The following IMMP2L variants were observed in gnomAD, a reference collection of about 807,000 sequenced individuals.
IMMP2L encodes mitochondrial inner membrane protease subunit 2.
IMMP2L carries 18 observed loss-of-function variants against 19.3 expected under a neutral mutation model. The ratio of observed to expected loss-of-function variants is 0.93; its 90% confidence interval spans 0.64 to 1.38. The LOEUF is 1.38. IMMP2L is among the 40% of genes most tolerant of loss of function. The probability of loss-of-function intolerance (pLI) is 0.00; values close to 1 mark genes in which losing one functional copy is unlikely to be tolerated. For missense variants in IMMP2L, 233 were observed against 218.2 expected (o/e 1.07, Z -0.43); for synonymous variants, 76 against 73.0 (o/e 1.04, Z -0.21).
At chr7:110,863,274 C>G (rs1807637591) in intron 5 of IMMP2L, among the ~76,000 whole-genome samples, 1 of 152,124 alleles carries the variant, frequency 6.6e-6, no homozygotes, top group Non-Finnish European at 1.5e-5. Flanking sequence ...CACGGGGGAT[C>G]AGCTTAGCTC....
At position 111,212,997 on chromosome 7, in the gene IMMP2L, C is replaced by T. The variant is rs148077095; in HGVS notation, c.240-249432G>A. Among the ~76,000 whole-genome samples the T allele has an allele frequency of 1.1e-3, 164 of 152,314 alleles. 1 individual carries two copies. Among genetic ancestry groups the T allele is most frequent in the African/African-American group, 3.7e-3 (153 of 41,564 alleles). On this transcript the variant is annotated intron_variant, in intron 3 of 5. Transcript: ENST00000405709. ...AGTGGAGGATGTGTTTCCAGGACTG[C>T]GCTCTCCACAGAGCTGGCAGGAGCT... is the stretch of plus-strand genomic sequence containing the variant.
chr7:110,696,876 T>C (rs1525669), intron 5 of IMMP2L, among the ~76,000 whole-genome samples: 148,426 of 152,264 alleles, frequency 0.97, 72,416 homozygotes, highest in Middle Eastern at 1. Context: ...GTAGCACAGA[T>C]GAGTTCCATT....
intron 3 of IMMP2L, among the ~76,000 whole-genome samples, chr7:111,283,878 G>A (rs1164583311): frequency 1.3e-5 from 2 of 149,260 alleles, no homozygotes; most frequent in East Asian, 2.0e-4. Context: ...GGCTGAGGCA[G>A]GAGAATGGCG....
At chr7:111,465,919 C>T (rs1312383475) in intron 3 of IMMP2L, among the ~76,000 whole-genome samples, 1 of 152,080 alleles carries the variant, frequency 6.6e-6, no homozygotes, top group Non-Finnish European at 1.5e-5. Flanking sequence ...AGACTTGGAA[C>T]CAGGCCAAAT....
chr7:111,087,985 T>C (rs1276317847), intron 3 of IMMP2L, among the ~76,000 whole-genome samples: 10 of 152,140 alleles, frequency 6.6e-5, no homozygotes. Flanking sequence ...TAAACCAAGA[T>C]GCACGATGAT....
At chr7:111,508,546 G>A (rs1416697335) in intron 2 of IMMP2L, among the ~76,000 whole-genome samples, 3 of 152,144 alleles carry the variant, frequency 2.0e-5, no homozygotes, top group African/African-American at 7.2e-5. Flanking sequence ...TCAGCCAAGA[G>A]AGGGCACAGA....
At chr7:111,437,206 G>A (rs1396481120) in intron 3 of IMMP2L, among the ~76,000 whole-genome samples, 1 of 151,756 alleles carries the variant, frequency 6.6e-6, no homozygotes, top group Admixed American at 6.6e-5. Flanking sequence ...AGCACTTTGG[G>A]AGGCCAAGGC....
chr7:110,978,549 A>G (rs1181778601), intron 3 of IMMP2L, among the ~76,000 whole-genome samples: 2 of 152,040 alleles, frequency 1.3e-5, no homozygotes, highest in South Asian at 2.1e-4. Flanking sequence ...CAGGTAAGTA[A>G]CAGTAAAGAA....
chr7:111,445,298 C>A (rs1838219502), intron 3 of IMMP2L, among the ~76,000 whole-genome samples: 2 of 152,062 alleles, frequency 1.3e-5, no homozygotes, highest in South Asian at 4.2e-4. Context: ...ACTACAGGTG[C>A]TCTCAGCTTA....
At chr7:110,875,038 T>A (rs1808927003) in intron 5 of IMMP2L, among the ~76,000 whole-genome samples, 1 of 152,056 alleles carries the variant, frequency 6.6e-6, no homozygotes, top group Non-Finnish European at 1.5e-5. Context: ...CTCTTAAACA[T>A]CTGACCTGGT....
intron 2 of IMMP2L, among the ~76,000 whole-genome samples, chr7:111,496,663 T>G (rs1316689511): frequency 6.6e-6 from 1 of 152,162 alleles, no homozygotes; most frequent in Admixed American, 6.5e-5. Flanking sequence ...ATCTTAGAAC[T>G]CCAGGTCCTC....
At chr7:110,773,082 C>T (rs1026862478) in intron 5 of IMMP2L, among the ~76,000 whole-genome samples, 2 of 151,876 alleles carry the variant, frequency 1.3e-5, no homozygotes, top group South Asian at 2.1e-4. Flanking sequence ...ATAAATTCCA[C>T]GTAACAAGAC....
intron 5 of IMMP2L, among the ~76,000 whole-genome samples, chr7:110,732,273 A>G (rs1796320210): frequency 6.6e-6 from 1 of 152,244 alleles, no homozygotes; most frequent in Non-Finnish European, 1.5e-5. Flanking sequence ...ATATTTCCCT[A>G]TATGTCAAGC....
At chr7:110,864,251 A>C (rs1807756258) in intron 5 of IMMP2L, among the ~76,000 whole-genome samples, 1 of 152,112 alleles carries the variant, frequency 6.6e-6, no homozygotes, top group Admixed American at 6.6e-5. Flanking sequence ...GATGACATAT[A>C]AATTGAAATA....
intron 3 of IMMP2L, among the ~76,000 whole-genome samples, chr7:111,283,703 G>A (rs1049552269): frequency 6.6e-5 from 10 of 152,068 alleles, no homozygotes; most frequent in African/African-American, 1.7e-4. Flanking sequence ...CGGGCGCGGT[G>A]GCTCACGCCT....
intron 5 of IMMP2L, among the ~76,000 whole-genome samples, chr7:110,740,847 G>C (rs893036604): frequency 6.6e-6 from 1 of 151,892 alleles, no homozygotes; most frequent in Non-Finnish European, 1.5e-5. Flanking sequence ...AAATAGTGTG[G>C]TGATTCCTTA....
intron 3 of IMMP2L, among the ~76,000 whole-genome samples, chr7:111,310,180 A>T (rs2130254843): frequency 6.6e-6 from 1 of 151,336 alleles, no homozygotes; most frequent in African/African-American, 2.4e-5. Flanking sequence ...GGTTGCAGTG[A>T]GTCGAGATCA....
At chr7:111,133,043 T>G (rs214859) in intron 3 of IMMP2L, among the ~76,000 whole-genome samples, 5 of 151,860 alleles carry the variant, frequency 3.3e-5, no homozygotes, top group Non-Finnish European at 7.4e-5. Context: ...TGTGTGTTAG[T>G]GCTCCTTCCA....
intron 3 of IMMP2L, among the ~76,000 whole-genome samples, chr7:111,360,839 A>G (rs1457095428): frequency 6.6e-6 from 1 of 152,112 alleles, no homozygotes; most frequent in Non-Finnish European, 1.5e-5. Flanking sequence ...GAACAAAGCA[A>G]AAGTAAAATA....
Sources: gnomAD v4.1 joint callset for allele counts (sites outside exome capture counted in the v4.1 genomes callset) on GRCh38, gnomAD v4.1.1 for gene constraint, MANE v1.5 for transcripts, NCBI Gene and HGNC (gene_info 2026-07-23, HGNC 2026-07-21) for gene names.